The following NCOR1 variants were observed in gnomAD, a reference collection of about 807,000 sequenced individuals.
NCOR1 encodes protein phosphatase 1, regulatory subunit 109.
Under a neutral mutation model 288.1 loss-of-function variants are expected in NCOR1, and 63 were observed. The ratio of observed to expected loss-of-function variants is 0.22; its 90% CI spans 0.18 to 0.27. NCOR1 has a LOEUF of 0.27. NCOR1 is among the 10% of genes least tolerant of loss of function. NCOR1 has a pLI of 1.00. For missense variants in NCOR1, 2,397 were observed against 3,019.2 expected, an observed-to-expected ratio of 0.79 and a Z score of 4.83; for synonymous variants, 1,007 against 1,065.9, an observed-to-expected ratio of 0.94 and a Z score of 1.08.
At chr17:16,143,886 C>A (rs576023171) in intron 10 of NCOR1, among the ~76,000 whole-genome samples, 190 bp from the exon 11 acceptor site, 5 of 152,156 alleles carry the variant, frequency 3.3e-5, no homozygotes, top group African/African-American at 1.2e-4. Context: ...TTAAATGTTA[C>A]GATTGAGATT....
chr17:16,101,632 G>T lies in NCOR1; in HGVS notation c.2308C>A (p.Pro770Thr), dbSNP rs992945092. The T allele has an allele frequency of 6.2e-7, 1 of 1,614,172 alleles. No homozygotes were observed. Among genetic ancestry groups the T allele is most frequent in the African/African-American group, 1.3e-5 (1 of 75,038 alleles). ...TCATCTTCAGCTGGTTTTGTACTTG[G>T]AACTGCTAAGGAGGGAGATGTACTG... ...APSTSPSLAVPSTKPAEDESV... is the reference protein window; with the variant it reads ...APSTSPSLAVTSTKPAEDESV... The change falls in exon 20 of 46, where the codon CCA becomes ACA. Residue 770 changes from proline (P) to threonine (T), a missense_variant. Physicochemically the swap from Pro to Thr is conservative, Grantham distance 38 (BLOSUM62 -1). Transcript: ENST00000268712.
chr17:16,070,377 T>G lies in NCOR1; in HGVS notation c.4301A>C (p.Lys1434Thr). 6.2e-7 allele frequency: 1 copy of G among 1,614,152 alleles called. No individual in the cohort carries two copies. Among genetic ancestry groups the G allele is most frequent in the South Asian group, 1.1e-5 (1 of 91,078 alleles). The change falls in exon 31 of 46, where the codon AAA (lysine) becomes ACA (threonine). Residue 1434 changes from lysine (K) to threonine (T), a missense_variant. Physicochemically the swap from Lys to Thr is moderately conservative, Grantham distance 78. Transcript: ENST00000268712. ...PENIKVVERG[K>T]YEDVKAGETV... Reference sequence around the variant, plus strand: ...CTCGCCTGCTTTCACATCCTCATATTTTCCCCGTTCTACCACTTTTATGTT... The same window carrying G: ...CTCGCCTGCTTTCACATCCTCATATGTTCCCCGTTCTACCACTTTTATGTT...
intron 5 of NCOR1, among the ~76,000 whole-genome samples, chr17:16,164,561 A>G (rs1159279274): frequency 6.6e-6 from 1 of 152,052 alleles, no homozygotes; most frequent in African/African-American, 2.4e-5. Context: ...ACAAACCGGT[A>G]CTCACATAAG....
intron 15 of NCOR1, among the ~76,000 whole-genome samples, chr17:16,124,080 T>A (rs1252476828): frequency 6.6e-6 from 1 of 151,998 alleles, no homozygotes; most frequent in Non-Finnish European, 1.5e-5. Context: ...AAGAAAAAAA[T>A]ATATTCCCTT....
At position 16,102,013 on chromosome 17, in the gene NCOR1, T is replaced by C. The variant is rs576174702; in HGVS notation, c.2183-256A>G. 2.1e-4 allele frequency among the ~76,000 whole-genome samples: 32 copies of C among 152,256 alleles called. No individual in the cohort carries two copies. The East Asian group carries it at 3.1e-3, about 15-fold the overall frequency. ...TCTTGACCTTCTGAAACTAAAAGCATAAAGGATTTTAATGTCTGAAAATAA... is the reference window on the plus strand; with the variant it reads ...TCTTGACCTTCTGAAACTAAAAGCACAAAGGATTTTAATGTCTGAAAATAA... On this transcript the variant is annotated intron_variant, in intron 19 of 45. Transcript: ENST00000268712.
At chr17:16,189,914 C>T (rs571063838) in intron 2 of NCOR1, among the ~76,000 whole-genome samples, 19 of 152,246 alleles carry the variant, frequency 1.2e-4, no homozygotes, top group African/African-American at 4.3e-4. Context: ...AGGAAAATAA[C>T]GTTGAAGCTA....
rs769246689 is a variant in NCOR1, at chr17:16,101,503, G to T, written c.2437C>A (p.Pro813Thr). The T allele has an allele frequency of 9.3e-6, 15 of 1,614,144 alleles. No homozygotes were observed. The highest frequency in any genetic ancestry group is 1.2e-5 in the Non-Finnish European group (14 of 1,180,006). The change falls in exon 20 of 46, where the codon CCC (proline) becomes ACC (threonine). Residue 813 changes from proline (P) to threonine (T), a missense_variant. Transcript: ENST00000268712. ...GAGTCAGCTTTGGTAGCGGGTGGGG[G>T]ATCACAAACAGAACCCTCTTCAGCA... is the stretch of plus-strand genomic sequence containing the variant. ...HSAEEGSVCD[P>T]PPATKADSVD...
At chr17:16,090,394 CG>C (rs1000190513) in intron 22 of NCOR1, among the ~76,000 whole-genome samples, 3 of 152,064 alleles carry the variant, frequency 2.0e-5, no homozygotes, top group Non-Finnish European at 4.4e-5. Flanking sequence ...TTTCCACTGA[CG>C]GATTTCCTCA....
At chr17:16,165,210 T>C in intron 4 of NCOR1, 49 bp from the exon 5 acceptor site, 1 of 1,474,790 alleles carries the variant, frequency 6.8e-7, no homozygotes, top group South Asian at 1.3e-5. Flanking sequence ...ACTAATAGAG[T>C]CCAGATTGCC....
At chr17:16,120,340 C>T (rs2072727654) in intron 16 of NCOR1, among the ~76,000 whole-genome samples, 1 of 152,096 alleles carries the variant, frequency 6.6e-6, no homozygotes. Context: ...TGCAAGTTCC[C>T]CACTTCATAA....
intron 18 of NCOR1, among the ~76,000 whole-genome samples, chr17:16,111,238 T>A (rs1248323388): frequency 6.6e-6 from 1 of 152,202 alleles, no homozygotes; most frequent in Non-Finnish European, 1.5e-5. Context: ...TGCCAAGCAT[T>A]TTCTTCAATA....
At chr17:16,156,447 G>GA (rs779491154) in intron 6 of NCOR1, among the ~76,000 whole-genome samples, 1 of 109,310 alleles carries the variant, frequency 9.1e-6, no homozygotes, top group Non-Finnish European at 1.9e-5. Context: ...AAAAAAAAAA[G>GA]AAAAGAAAAG....
chr17:16,146,600 G>T, intron 9 of NCOR1, 52 bp from the exon 10 acceptor site: 2 of 1,439,434 alleles, frequency 1.4e-6, no homozygotes, highest in South Asian at 1.4e-5. Context: ...CTCTGATTCT[G>T]ACAAACCTAA....
chr17:16,049,164 A>C, intron 40 of NCOR1, 176 bp from the exon 41 acceptor site: 6 of 474,940 alleles, frequency 1.3e-5, no homozygotes, highest in African/African-American at 2.0e-5. Context: ...CAAACAAACA[A>C]CAACAAAAAA....
In NCOR1 at chr17:16,057,689, G is replaced by A. The variant is rs779972414; in HGVS notation, c.6217C>T (p.Pro2073Ser). The A allele has an allele frequency of 6.2e-7, 1 of 1,614,062 alleles. No homozygotes were observed. Among genetic ancestry groups the A allele is most frequent in the Non-Finnish European group, 8.5e-7 (1 of 1,180,020 alleles). ...FARNQVSSQTPQQPPTSTFQN... is the reference protein window; with the variant it reads ...FARNQVSSQTSQQPPTSTFQN... ...AATGTAGAAGTAGGAGGCTGCTGGGGAGTCTGCGAGGAAACTTGATTTCTA... is the reference window on the plus strand; with the variant it reads ...AATGTAGAAGTAGGAGGCTGCTGGGAAGTCTGCGAGGAAACTTGATTTCTA... The change falls in exon 40 of 46, where the codon CCC becomes TCC. Residue 2073 changes from proline (P) to serine (S), a missense_variant. Physicochemically the swap from Pro to Ser is moderately conservative, Grantham distance 74. This residue lies in a region of NCOR1 where 1,872 missense variants were observed against 2,187.8 expected (regional missense o/e 0.86). Transcript: ENST00000268712.
chr17:16,095,004 G>C (rs2066129673), intron 21 of NCOR1, among the ~76,000 whole-genome samples: 1 of 151,762 alleles, frequency 6.6e-6, no homozygotes, highest in South Asian at 2.1e-4. Context: ...GGGAAGTGAG[G>C]AGCGTCTCTG....
rs2078926351 is a variant in NCOR1, at chr17:16,151,930, G to A, written c.842+16C>T. The stretch of plus-strand genomic sequence containing the variant: ...CGGTCTTTAATTGAAGAACTCCAAA[G>A]ATGATCAATACTTACGTCTTGATGT... On this transcript the variant is annotated intron_variant, in intron 8 of 45. Transcript: ENST00000268712. 3 of 1,580,712 alleles carry A rather than the reference G, an allele frequency of 1.9e-6. No homozygotes were observed. Among genetic ancestry groups the A allele is most frequent in the Non-Finnish European group, 1.7e-6 (2 of 1,157,836 alleles).
intron 17 of NCOR1, 73 bp downstream of exon 17, chr17:16,119,350 T>C: frequency 1.9e-6 from 2 of 1,076,644 alleles, no homozygotes; most frequent in Non-Finnish European, 2.8e-6. Flanking sequence ...AACAATTAGT[T>C]CCATCTCACT....
rs189643720 is a variant in NCOR1, at chr17:16,186,607, T to C, written c.189A>G (p.Gln63=). The C allele has an allele frequency of 4.5e-5, 73 of 1,614,130 alleles. 1 individual carries two copies. In the South Asian group the frequency reaches 5.3e-4, roughly 12 times the overall value. Residue 63 remains glutamine (Q), a synonymous_variant, in exon 3 of 46, where the codon CAA becomes CAG. Coordinates refer to ENST00000268712, the MANE Select transcript of NCOR1 (RefSeq NM_006311.4). Reference sequence around the variant, plus strand: ...GCAAGGAAGGTCGCCTTCGAAGCTGTTGCTGCTGCTGTTGCTGCAAAAGCT... The same window carrying C: ...GCAAGGAAGGTCGCCTTCGAAGCTGCTGCTGCTGCTGTTGCTGCAAAAGCT... The part of the protein sequence containing the change: ...ASQLLQQQQQ[Q]QLRRRPSLLS...
Sources: allele counts gnomAD v4.1 joint callset (sites outside exome capture counted in the v4.1 genomes callset), GRCh38; gene constraint gnomAD v4.1.1; regional missense constraint gnomAD v4.1.1; transcripts MANE v1.5; gene names NCBI Gene and HGNC (gene_info 2026-07-23, HGNC 2026-07-21).